The following FGD2 variants were observed in gnomAD, a reference collection of about 807,000 sequenced individuals.
FGD2 encodes the protein FYVE, RhoGEF and PH domain-containing protein 2.
FGD2 carries 52 observed loss-of-function variants against 75.9 expected under a neutral mutation model. The observed-to-expected ratio is 0.69, with a 90% CI of 0.55 to 0.86. The LOEUF is 0.86. Ranked by LOEUF, FGD2 falls within the 40% of genes least tolerant of loss-of-function variation. The pLI, the probability that FGD2 is intolerant of heterozygous loss-of-function variation, is 0.00. For missense variants in FGD2, 790 were observed against 872.0 expected (o/e 0.91, Z 1.18); for synonymous variants, 347 against 348.6 (o/e 1.00, Z 0.05).
At chr6:37,017,163 C>T (rs1765339588) in intron 9 of FGD2, among the ~76,000 whole-genome samples, 1 of 151,986 alleles carries the variant, frequency 6.6e-6, no homozygotes, top group African/African-American at 2.4e-5. Flanking sequence ...TACTTGAGAG[C>T]TTCCTCATCC....
rs75981159 is a variant in FGD2, at chr6:37,021,758, C to T, written c.1326+154C>T. 3.6e-4 allele frequency: 241 copies of T among 671,948 alleles called. No homozygotes were observed. In the African/African-American group the frequency reaches 3.9e-3, roughly 11 times the overall value. 41.6% of individuals were successfully genotyped at this position (671,948 alleles called of 1,614,324 possible). A position where few individuals can be genotyped will look rare whatever the true frequency, so the allele number is the denominator to read the frequency against. ...GGGGAAGCCTTCCCAGCGCATCCCCCGACTCAGGGCCTGAGCATTCCCCTT... is the reference window on the plus strand; with the variant it reads ...GGGGAAGCCTTCCCAGCGCATCCCCTGACTCAGGGCCTGAGCATTCCCCTT... On this transcript the variant is annotated intron_variant, in intron 12 of 15. Coordinates refer to ENST00000274963, the MANE Select transcript of FGD2 (RefSeq NM_173558.4).
chr6:37,011,126 C>G, intron 3 of FGD2, 76 bp downstream of exon 3: 1 of 1,403,176 alleles, frequency 7.1e-7, no homozygotes, highest in South Asian at 1.2e-5. Context: ...GCCTTCCCAC[C>G]CTGCTCACCA....
chr6:37,026,205 G>A (rs746829961), intron 14 of FGD2: 19 of 985,298 alleles, frequency 1.9e-5, no homozygotes, highest in South Asian at 9.4e-5. Flanking sequence ...GTCCCCATCC[G>A]ATAGTACGGC....
chr6:37,028,478 T>A lies in FGD2; in HGVS notation c.*315T>A. On this transcript the variant is annotated 3_prime_UTR_variant, in exon 16 of 16. Coordinates refer to ENST00000274963, the MANE Select transcript of FGD2 (RefSeq NM_173558.4). ...GTGGTCACCATAGTATGGTTTTTCA[T>A]TTGTATCTCCTGGGGAGCTTTTAAA... The A allele has an allele frequency of 2.9e-6, 1 of 345,122 alleles. No individual in the cohort carries two copies. Among genetic ancestry groups the A allele is most frequent in the South Asian group, 1.0e-4 (1 of 9,538 alleles). The allele number at this position is 345,122 out of a possible 1,614,324, so 21.4% of individuals were successfully genotyped here. A position where few individuals can be genotyped will look rare whatever the true frequency, so the allele number is the denominator to read the frequency against.
rs772023794 is a variant in FGD2, at chr6:37,021,528, T to C, written c.1250T>C (p.Ile417Thr). The change falls in exon 12 of 16, where the codon ATT becomes ACT. Residue 417 changes from isoleucine (I) to threonine (T), a missense_variant. Ile to Thr is a moderately conservative substitution (Grantham distance 89, BLOSUM62 -1). Coordinates refer to ENST00000274963, the MANE Select transcript of FGD2 (RefSeq NM_173558.4). ...ISWMQAFQAA[I>T]DQIEKRNETF... is the part of the protein sequence containing the mutation. ...GCACCCCAGGCCTTCCAAGCAGCCA[T>C]TGACCAAATCGAGAAGCGGAATGAA... 1.9e-6 allele frequency: 3 copies of C among 1,613,262 alleles called. No homozygotes were observed. The highest frequency in any genetic ancestry group is 2.2e-5 in the South Asian group (2 of 90,960).
chr6:37,008,672 A>G (rs1282351719), intron 1 of FGD2, among the ~76,000 whole-genome samples, 162 bp from the exon 2 acceptor site: 4 of 152,158 alleles, frequency 2.6e-5, no homozygotes, highest in Non-Finnish European at 5.9e-5. Context: ...GTGTTGGGAG[A>G]GAAGTGAAAG....
intron 14 of FGD2, among the ~76,000 whole-genome samples, chr6:37,027,219 G>C (rs1561944217): frequency 6.6e-6 from 1 of 152,176 alleles, no homozygotes; most frequent in Non-Finnish European, 1.5e-5. Context: ...GACAGGTTCA[G>C]GCAGGCTGGG....
Position 37,014,700 on chromosome 6 carries a change from A to T in FGD2, c.878A>T (p.Glu293Val). 1.9e-6 allele frequency: 3 copies of T among 1,614,006 alleles called. No homozygotes were observed. The South Asian group carries it at 3.3e-5, about 18-fold the overall frequency. ...CAGCACTCCAATGCAGCCATCACTGAGATGGTAAGCAGCCCGCCCTCTCCT... is the reference window on the plus strand; with the variant it reads ...CAGCACTCCAATGCAGCCATCACTGTGATGGTAAGCAGCCCGCCCTCTCCT... ...AAQHSNAAIT[E>V]MERLQDLWEV... The change falls in exon 7 of 16, where the codon GAG becomes GTG. Residue 293 changes from glutamate to valine, a missense_variant. Physicochemically the swap from Glu to Val is moderately radical, Grantham distance 121. Coordinates refer to ENST00000274963, the MANE Select transcript of FGD2 (RefSeq NM_173558.4).
chr6:37,008,825 T>C lies in FGD2; in HGVS notation c.69-9T>C, dbSNP rs866059134. On this transcript the variant is annotated splice_polypyrimidine_tract_variant and intron_variant, in intron 1 of 15. Coordinates refer to ENST00000274963, the MANE Select transcript of FGD2 (RefSeq NM_173558.4). ...GGAGGAAGCCCTCAGGTCTGTCTCT[T>C]CTCCTCAGGACCCCAGAAGCAGCAC... 1.4e-5 allele frequency: 22 copies of C among 1,564,822 alleles called. 1 individual carries two copies. The Middle Eastern group carries it at 2.9e-3, about 208-fold the overall frequency.
chr6:37,011,079 G>T lies in FGD2; in HGVS notation c.378+29G>T, dbSNP rs563817565. On this transcript the variant is annotated intron_variant, in intron 3 of 15. Transcript: ENST00000274963. ...AGTGACCAGGACACCCCCCTCTAGA[G>T]CCCCAGCCCTGGGTCTCCTCACCTC... 57 of 1,610,426 alleles carry T rather than the reference G, an allele frequency of 3.5e-5. No individual in the cohort carries two copies. In the Admixed American group the frequency reaches 8.8e-4, roughly 25 times the overall value.
chr6:37,028,002 C>T lies in FGD2; in HGVS notation c.1807C>T (p.Pro603Ser), dbSNP rs1290492014. The T allele has an allele frequency of 6.2e-7, 1 of 1,613,970 alleles. No homozygotes were observed. The highest frequency in any genetic ancestry group is 8.5e-7 in the Non-Finnish European group (1 of 1,180,034). Residue 603 changes from proline to serine, a missense_variant, in exon 16 of 16, where the codon CCC becomes TCC. By Grantham distance (74) the Pro-to-Ser change is moderately conservative (BLOSUM62 -1). Coordinates refer to ENST00000274963, the MANE Select transcript of FGD2 (RefSeq NM_173558.4). The part of the protein sequence containing the change: ...PLLGYQVTVG[P>S]QGDPRVFQLQ... The stretch of plus-strand genomic sequence containing the variant: ...GCTGGGCTACCAGGTGACTGTTGGG[C>T]CCCAGGGGGACCCTCGGGTCTTCCA...
chr6:37,014,067 C>T lies in FGD2; in HGVS notation c.790C>T (p.Pro264Ser). 6.2e-7 allele frequency: 1 copy of T among 1,614,088 alleles called. No individual in the cohort carries two copies. Among genetic ancestry groups the T allele is most frequent in the Non-Finnish European group, 8.5e-7 (1 of 1,179,960 alleles). Residue 264 changes from proline to serine, a missense_variant, in exon 6 of 16, where the codon CCA (proline) becomes TCA (serine). Pro to Ser is a moderately conservative substitution (Grantham distance 74, BLOSUM62 -1). Transcript: ENST00000274963. ...LLLKEYIQKL[P>S]AQAPDQADAQ... ...GCTCAAGGAGTACATCCAGAAGCTGCCAGCCCAGGCCCCAGACCAGGCCGA... is the reference window on the plus strand; with the variant it reads ...GCTCAAGGAGTACATCCAGAAGCTGTCAGCCCAGGCCCCAGACCAGGCCGA...
chr6:37,011,058 A>G lies in FGD2; in HGVS notation c.378+8A>G, dbSNP rs1753288. 0.37 allele frequency: 601,266 copies of G among 1,611,840 alleles called. 114,385 individuals are homozygous for G. The highest frequency in any genetic ancestry group is 0.53 in the East Asian group (23,897 of 44,846). ...CTCCACCTGCTAGACCAGGCCAGTGACCAGGACACCCCCCTCTAGAGCCCC... is the reference window on the plus strand; with the variant it reads ...CTCCACCTGCTAGACCAGGCCAGTGGCCAGGACACCCCCCTCTAGAGCCCC... On this transcript the variant is annotated splice_region_variant and intron_variant, in intron 3 of 15. Transcript: ENST00000274963.
At chr6:37,027,643 CA>C (rs1765890777) in intron 15 of FGD2, 68 bp downstream of exon 15, 1 of 1,578,390 alleles carries the variant, frequency 6.3e-7, no homozygotes, top group Non-Finnish European at 8.7e-7. Flanking sequence ...TGAAGGGGGT[CA>C]GGGGTGAGTA....
chr6:37,018,511 A>G (rs897270987), intron 9 of FGD2, among the ~76,000 whole-genome samples: 8 of 152,292 alleles, frequency 5.3e-5, no homozygotes, highest in African/African-American at 1.7e-4. Context: ...CCTAGGTGTC[A>G]GGGAGGCCTA....
rs775652042 is a variant in FGD2, at chr6:37,020,490, G to T, written c.1123-51G>T. The T allele has an allele frequency of 1.1e-5, 17 of 1,537,592 alleles. No individual in the cohort carries two copies. In the South Asian group the frequency reaches 1.9e-4, roughly 17 times the overall value. On this transcript the variant is annotated intron_variant, in intron 9 of 15. Transcript: ENST00000274963. Reference sequence around the variant, plus strand: ...CCCTCCCCTCCACAGTGCTGTGCCTGGGACCCGGGCTATGATGAGTCTGAA... The same window carrying T: ...CCCTCCCCTCCACAGTGCTGTGCCTTGGACCCGGGCTATGATGAGTCTGAA...
Position 37,025,835 on chromosome 6 carries a change from A to G in FGD2, c.1502A>G (p.Tyr501Cys). 1 of 1,614,102 alleles carries G rather than the reference A, an allele frequency of 6.2e-7. No homozygotes were observed. Among genetic ancestry groups the G allele is most frequent in the African/African-American group, 1.3e-5 (1 of 75,030 alleles). ...TCCGACTACCGGGCCGAACTGAAAT[A>G]CGACGACAACAGGCCCAACCGAGTC... Reference protein sequence around the residue: ...RCSDYRAELKYDDNRPNRVCL... With the variant: ...RCSDYRAELKCDDNRPNRVCL... The change falls in exon 14 of 16, where the codon TAC becomes TGC. Residue 501 changes from tyrosine (Y) to cysteine (C), a missense_variant. Coordinates refer to ENST00000274963, the MANE Select transcript of FGD2 (RefSeq NM_173558.4).
At position 37,029,030 on chromosome 6, in the gene FGD2, G is replaced by A. The variant is rs1297581297; in HGVS notation, c.*867G>A. ...TGAGCCCCTGTCAAGTGCCAGTCATGATAGTAGTAATAATAATAATAAACA... is the reference window on the plus strand; with the variant it reads ...TGAGCCCCTGTCAAGTGCCAGTCATAATAGTAGTAATAATAATAATAAACA... On this transcript the variant is annotated 3_prime_UTR_variant, in exon 16 of 16. Transcript: ENST00000274963. 2 of 152,030 alleles carry A rather than the reference G, an allele frequency of 1.3e-5. No individual in the cohort carries two copies. Among genetic ancestry groups the A allele is most frequent in the Admixed American group, 1.3e-4 (2 of 15,242 alleles). 9.4% of individuals were successfully genotyped at this position (152,030 alleles called of 1,614,324 possible).
chr6:37,008,662 G>A (rs1209668719), intron 1 of FGD2, among the ~76,000 whole-genome samples, 172 bp from the exon 2 acceptor site: 2 of 152,206 alleles, frequency 1.3e-5, no homozygotes, highest in Non-Finnish European at 2.9e-5. Flanking sequence ...CTCCAAGAAT[G>A]TGTTGGGAGA....
Sources: gnomAD v4.1 joint callset for allele counts (sites outside exome capture counted in the v4.1 genomes callset) on GRCh38, gnomAD v4.1.1 for gene constraint, MANE v1.5 for transcripts, NCBI Gene and HGNC (gene_info 2026-07-23, HGNC 2026-07-21) for gene names.